Variants in AMPH observed in about 807,000 individuals in gnomAD.
The protein encoded by AMPH is amphiphysin.
Under a neutral mutation model 99.1 loss-of-function variants are expected in AMPH, and 49 were observed. The observed-to-expected ratio is 0.49, with a 90% CI of 0.39 to 0.63. The LOEUF is 0.63. Ranked by LOEUF, AMPH falls within the 20% of genes least tolerant of loss-of-function variation. The pLI is 0.00. For synonymous variants in AMPH, 314 were observed against 317.3 expected (o/e 0.99, Z 0.11); for missense variants, 759 against 863.4 (o/e 0.88, Z 1.52).
intron 1 of AMPH, among the ~76,000 whole-genome samples, chr7:38,608,640 T>A (rs1793516796): frequency 6.6e-6 from 1 of 152,086 alleles, no homozygotes; most frequent in African/African-American, 2.4e-5. Flanking sequence ...CCAATAATTG[T>A]CACTACAGAC....
intron 1 of AMPH, among the ~76,000 whole-genome samples, chr7:38,587,046 C>T (rs943734958): frequency 1.6e-4 from 24 of 151,382 alleles, no homozygotes; most frequent in Admixed American, 5.3e-4. Flanking sequence ...CACATAAAAT[C>T]CACACCTATT....
At chr7:38,403,532 C>T (rs1784900814) in intron 17 of AMPH, among the ~76,000 whole-genome samples, 1 of 152,156 alleles carries the variant, frequency 6.6e-6, no homozygotes, top group Non-Finnish European at 1.5e-5. Flanking sequence ...AAGAACCTGC[C>T]TGTCTGTGTC....
At chr7:38,401,479 T>A (rs1784838928) in intron 17 of AMPH, among the ~76,000 whole-genome samples, 2 of 152,236 alleles carry the variant, frequency 1.3e-5, no homozygotes, top group African/African-American at 4.8e-5. Context: ...TAAAATGCTT[T>A]TTAGGAATTC....
chr7:38,469,401 A>T (rs1787794820), intron 7 of AMPH, among the ~76,000 whole-genome samples: 1 of 152,194 alleles, frequency 6.6e-6, no homozygotes, highest in Admixed American at 6.5e-5. Flanking sequence ...AGTTGAGCTT[A>T]TCACAGCTAC....
chr7:38,441,859 T>TCATATATCATATATA lies in AMPH; in HGVS notation c.1018-5472_1018-5471insTATATATGATATATG, dbSNP rs1786563434. Among the ~76,000 whole-genome samples the TCATATATCATATATA allele has an allele frequency of 4.7e-5, 6 of 127,686 alleles. No individual in the cohort carries two copies. The South Asian group carries it at 8.4e-4, about 18-fold the overall frequency. 83.8% of individuals were successfully genotyped at this position (127,686 alleles called of 152,430 possible). On this transcript the variant is annotated intron_variant, in intron 11 of 20. Coordinates refer to ENST00000356264, the MANE Select transcript of AMPH (RefSeq NM_001635.4). The stretch of plus-strand genomic sequence containing the variant: ...TCATATATCATATATATCATATATA[T>TCATATATCATATATA]CATATATATCATATATATATCATAT...
intron 1 of AMPH, among the ~76,000 whole-genome samples, chr7:38,558,614 G>A (rs1275850904): frequency 2.0e-5 from 3 of 152,200 alleles, no homozygotes; most frequent in Non-Finnish European, 4.4e-5. Context: ...TAAACACCTG[G>A]TTAAGAAAGA....
At chr7:38,455,941 T>G (rs918130789) in intron 11 of AMPH, among the ~76,000 whole-genome samples, 1 of 152,208 alleles carries the variant, frequency 6.6e-6, no homozygotes, top group African/African-American at 2.4e-5. Context: ...TATGCACCTC[T>G]GAGGGCTGCT....
At chr7:38,631,216 G>A in intron 1 of AMPH, 67 bp downstream of exon 1, 3 of 1,433,146 alleles carry the variant, frequency 2.1e-6, no homozygotes, top group South Asian at 1.3e-5. Flanking sequence ...CACAGCTGCA[G>A]CCGGTGCCCT....
intron 1 of AMPH, among the ~76,000 whole-genome samples, chr7:38,603,561 C>T (rs1793329151): frequency 6.6e-6 from 1 of 152,164 alleles, no homozygotes; most frequent in Admixed American, 6.5e-5. Flanking sequence ...GCTACAGCTA[C>T]GAACGTACAT....
intron 17 of AMPH, among the ~76,000 whole-genome samples, chr7:38,411,155 C>T (rs1183383333): frequency 1.3e-5 from 2 of 152,114 alleles, no homozygotes; most frequent in Non-Finnish European, 2.9e-5. Flanking sequence ...TCTTTGTGTC[C>T]GTTTTCTTAA....
intron 7 of AMPH, among the ~76,000 whole-genome samples, chr7:38,469,910 G>A (rs1359237910): frequency 6.6e-6 from 1 of 152,142 alleles, no homozygotes; most frequent in Non-Finnish European, 1.5e-5. Context: ...GGGCAGATTA[G>A]TGGCCCACCC....
In AMPH at chr7:38,495,039, G is replaced by T. The variant is rs564425365; in HGVS notation, c.206-512C>A. Among the ~76,000 whole-genome samples, 6 of 152,272 alleles carry T rather than the reference G, an allele frequency of 3.9e-5. 1 individual carries two copies. In the South Asian group the frequency reaches 1.2e-3, roughly 32 times the overall value. On this transcript the variant is annotated intron_variant, in intron 3 of 20. Coordinates refer to ENST00000356264, the MANE Select transcript of AMPH (RefSeq NM_001635.4). ...GTAAACACGGTTAAAGTGGTTAAAT[G>T]GTTAAGTTTTAAGTGGCCTAAAATT...
At chr7:38,418,408 G>C (rs749032149) in intron 16 of AMPH, among the ~76,000 whole-genome samples, 2 of 152,164 alleles carry the variant, frequency 1.3e-5, no homozygotes, top group Non-Finnish European at 2.9e-5. Flanking sequence ...GTGGGAAGGA[G>C]TAAGGAAGAA....
At chr7:38,580,227 T>G (rs970175386) in intron 1 of AMPH, among the ~76,000 whole-genome samples, 2 of 152,134 alleles carry the variant, frequency 1.3e-5, no homozygotes, top group Admixed American at 1.3e-4. Flanking sequence ...TTAACAAATA[T>G]AAATAGTAAA....
intron 7 of AMPH, among the ~76,000 whole-genome samples, chr7:38,467,933 G>C (rs1787728989): frequency 6.6e-6 from 1 of 152,038 alleles, no homozygotes; most frequent in African/African-American, 2.4e-5. Flanking sequence ...AGATGGAAGA[G>C]GTGTGTAAGC....
chr7:38,442,627 A>C (rs1233803759), intron 11 of AMPH, among the ~76,000 whole-genome samples: 1 of 152,192 alleles, frequency 6.6e-6, no homozygotes, highest in Non-Finnish European at 1.5e-5. Flanking sequence ...AAAAGAAATC[A>C]AAGTGGAAAT....
chr7:38,444,989 A>C (rs6978896), intron 11 of AMPH, among the ~76,000 whole-genome samples: 3,535 of 14,962 alleles, frequency 0.24, 96 homozygotes, highest in East Asian at 0.34. Flanking sequence ...CCATATATAT[A>C]CATATATATA....
At chr7:38,437,300 A>C (rs1013798410) in intron 11 of AMPH, among the ~76,000 whole-genome samples, 17 of 152,164 alleles carry the variant, frequency 1.1e-4, no homozygotes, top group Non-Finnish European at 2.1e-4. Context: ...CAGTTTTCAT[A>C]CAATTTAAAT....
rs1562835413 is a variant in AMPH, at chr7:38,571,344, T to TATATATTTATATATAGA, written c.70-36334_70-36333insTCTATATATAAATATAT. ...AGAATATATATATTTATATATAGAA[T>TATATATTTATATATAGA]ATATATATTTACATATAGAATATAT... is the stretch of plus-strand genomic sequence containing the variant. On this transcript the variant is annotated intron_variant, in intron 1 of 20. Transcript: ENST00000356264. Among the ~76,000 whole-genome samples, 176 of 41,652 alleles carry TATATATTTATATATAGA rather than the reference T, an allele frequency of 4.2e-3. 5 individuals carry two copies. Among genetic ancestry groups the TATATATTTATATATAGA allele is most frequent in the African/African-American group, 0.016 (173 of 10,668 alleles). The allele number at this position is 41,652 out of a possible 152,430, so 27.3% of individuals were successfully genotyped here.
Sources: allele counts gnomAD v4.1 joint callset (sites outside exome capture counted in the v4.1 genomes callset), GRCh38; gene constraint gnomAD v4.1.1; transcripts MANE v1.5; gene names NCBI Gene and HGNC (gene_info 2026-07-23, HGNC 2026-07-21).